The following DCAF8L2 variants were observed in gnomAD, a reference collection of about 807,000 sequenced individuals.
The protein encoded by DCAF8L2 is DDB1 and CUL4 associated factor 8 like 2, also known as DDB1- and CUL4-associated factor 8-like protein 2.
For synonymous variants in DCAF8L2, 200 were observed against 190.9 expected, an observed-to-expected ratio of 1.05 and a Z score of -0.39; for missense variants, 430 against 490.7, an observed-to-expected ratio of 0.88 and a Z score of 1.17.
At chrX:27,486,096 C>T in the DCAF8L2 span, among the ~76,000 whole-genome samples, 1 of 107,247 alleles carries the variant, frequency 9.3e-6, no homozygotes, top group African/African-American at 3.4e-5. Context: ...ACATCCACCT[C>T]CCAGGTTCAA....
chrX:27,591,887 C>T (rs1456756612), intron 1 of DCAF8L2, among the ~76,000 whole-genome samples: 1 of 112,306 alleles, frequency 8.9e-6, no homozygotes, highest in African/African-American at 3.2e-5. Flanking sequence ...TAGCTTAAAT[C>T]CTAACTTTCA....
rs754622044 is a variant in DCAF8L2, at chrX:27,747,463, G to A, written c.568G>A (p.Val190Ile). 8.5e-7 allele frequency: 1 copy of A among 1,175,759 alleles called. No individual in the cohort carries two copies. The change falls in exon 5 of 5, where the codon GTT becomes ATT. Residue 190 changes from valine (V) to isoleucine (I), a missense_variant. Physicochemically the swap from Val to Ile is conservative, Grantham distance 29. Coordinates refer to ENST00000451261, the MANE Select transcript of DCAF8L2 (RefSeq NM_001353450.2). ...SALPRPRWQV[V>I]TALHQRQLGS... ...CCTGCCCCGACCTCGCTGGCAGGTCGTTACTGCTCTTCACCAGCGGCAGCT... is the reference window on the plus strand; with the variant it reads ...CCTGCCCCGACCTCGCTGGCAGGTCATTACTGCTCTTCACCAGCGGCAGCT...
At chrX:27,580,850 G>C in the DCAF8L2 span, among the ~76,000 whole-genome samples, 1 of 111,496 alleles carries the variant, frequency 9.0e-6, no homozygotes, top group African/African-American at 3.3e-5. Context: ...CTACACCAGT[G>C]CTATCCAATA....
intron 1 of DCAF8L2, among the ~76,000 whole-genome samples, chrX:27,611,975 G>A (rs781231235): frequency 9.0e-6 from 1 of 111,314 alleles, no homozygotes; most frequent in South Asian, 3.8e-4. Context: ...GGATCCCTGG[G>A]TCAAATGGTA....
the DCAF8L2 span, among the ~76,000 whole-genome samples, chrX:27,478,004 T>C: frequency 9.0e-6 from 1 of 111,506 alleles, no homozygotes; most frequent in Non-Finnish European, 1.9e-5. Context: ...CACTCCCAAC[T>C]AAGATTCTCA....
the DCAF8L2 span, among the ~76,000 whole-genome samples, chrX:27,574,075 T>C: frequency 9.0e-6 from 1 of 110,752 alleles, no homozygotes; most frequent in Non-Finnish European, 1.9e-5. Flanking sequence ...AGTGATTTTT[T>C]TTTTTGTCTC....
At chrX:27,602,137 G>A (rs1318834808) in intron 1 of DCAF8L2, among the ~76,000 whole-genome samples, 1 of 111,138 alleles carries the variant, frequency 9.0e-6, no homozygotes, top group Non-Finnish European at 1.9e-5. Context: ...CCGGGTTCAA[G>A]CAATTCTCCT....
At chrX:27,600,929 G>A (rs1032768241) in intron 1 of DCAF8L2, among the ~76,000 whole-genome samples, 5 of 109,759 alleles carry the variant, frequency 4.6e-5, no homozygotes, top group African/African-American at 1.7e-4. Context: ...CCATGTTACA[G>A]TGCTCTGGAT....
chrX:27,718,271 A>G (rs1201055832), intron 4 of DCAF8L2, among the ~76,000 whole-genome samples: 2 of 112,024 alleles, frequency 1.8e-5, no homozygotes, highest in Non-Finnish European at 3.8e-5. Context: ...GGAATCATGT[A>G]CTATGCAGTC....
intron 2 of DCAF8L2, among the ~76,000 whole-genome samples, chrX:27,671,006 A>G (rs1929934748): frequency 8.9e-6 from 1 of 111,896 alleles, no homozygotes; most frequent in African/African-American, 3.2e-5. Context: ...TGGCAACACA[A>G]ATGGACTAAA....
At chrX:27,561,140 T>G in the DCAF8L2 span, among the ~76,000 whole-genome samples, 1 of 112,367 alleles carries the variant, frequency 8.9e-6, no homozygotes. Flanking sequence ...TCCTACAATT[T>G]TAAGGGCATG....
At chrX:27,613,637 G>A (rs1311064918) in intron 1 of DCAF8L2, among the ~76,000 whole-genome samples, 9 of 111,330 alleles carry the variant, frequency 8.1e-5, no homozygotes, top group Non-Finnish European at 1.3e-4. Context: ...TCAATACCTA[G>A]TTTATTGAGA....
intron 1 of DCAF8L2, among the ~76,000 whole-genome samples, chrX:27,609,896 C>T (rs1402450096): frequency 9.0e-6 from 1 of 111,433 alleles, no homozygotes. Context: ...CCTCTATCAA[C>T]ATAATGCTTT....
At chrX:27,650,088 G>C (rs1929094777) in intron 2 of DCAF8L2, among the ~76,000 whole-genome samples, 1 of 111,652 alleles carries the variant, frequency 9.0e-6, no homozygotes, top group Non-Finnish European at 1.9e-5. Context: ...TCACTTTGTT[G>C]AAGATCGAAT....
upstream of DCAF8L2, among the ~76,000 whole-genome samples, chrX:27,589,328 T>G (rs996626507): frequency 1.8e-5 from 2 of 112,089 alleles, no homozygotes; most frequent in African/African-American, 6.5e-5. Context: ...ACAGAGAAAC[T>G]ATGTTTTGTG....
the DCAF8L2 span, among the ~76,000 whole-genome samples, chrX:27,581,300 T>C: frequency 1.8e-5 from 2 of 112,239 alleles, no homozygotes. Flanking sequence ...GTCAAAATTC[T>C]CAGTTTTACT....
intron 2 of DCAF8L2, among the ~76,000 whole-genome samples, chrX:27,641,459 T>C (rs1928715123): frequency 1.4e-5 from 1 of 73,754 alleles, no homozygotes; most frequent in Non-Finnish European, 2.7e-5. Flanking sequence ...TTTTCTTTCC[T>C]TTTCTTTACT....
chrX:27,518,992 AT>A, the DCAF8L2 span: 1 of 723,481 alleles, frequency 1.4e-6, no homozygotes, highest in Non-Finnish European at 2.2e-6. Context: ...CCATAAGGGG[AT>A]TTTGGCCTTA....
At chrX:27,706,527 A>G (rs1294440731) in intron 3 of DCAF8L2, among the ~76,000 whole-genome samples, 2 of 111,726 alleles carry the variant, frequency 1.8e-5, no homozygotes, top group African/African-American at 6.5e-5. Flanking sequence ...GACACATGAA[A>G]AGATGCTCAA....
Sources: gnomAD v4.1 joint callset for allele counts (sites outside exome capture counted in the v4.1 genomes callset) on GRCh38, gnomAD v4.1.1 for gene constraint, MANE v1.5 for transcripts, NCBI Gene and HGNC (gene_info 2026-07-23, HGNC 2026-07-21) for gene names.